PHACTR2: variants seen among roughly 807,000 people sequenced by gnomAD.
PHACTR2 encodes the protein phosphatase and actin regulator 2, also known as chromosome 6 open reading frame 56.
In PHACTR2, 30 loss-of-function variants were observed where a neutral mutation model predicts 76.0. The ratio of observed to expected loss-of-function variants is 0.39; its 90% CI spans 0.30 to 0.54. The LOEUF is 0.54. Ranked by LOEUF, PHACTR2 falls within the 20% of genes least tolerant of loss-of-function variation. The pLI is 0.61. For synonymous variants in PHACTR2, 292 were observed against 292.5 expected (o/e 1.00, Z 0.02); for missense variants, 696 against 781.1 (o/e 0.89, Z 1.30).
chr6:143,683,395 G>A lies in PHACTR2; in HGVS notation c.46+5186G>A, dbSNP rs533127115. 1.3e-5 allele frequency among the ~76,000 whole-genome samples: 2 copies of A among 152,196 alleles called. No homozygotes were observed. Among genetic ancestry groups the A allele is most frequent in the East Asian group, 3.9e-4 (2 of 5,180 alleles). On this transcript the variant is annotated intron_variant, in intron 1 of 12. Coordinates refer to ENST00000440869, the MANE Select transcript of PHACTR2 (RefSeq NM_001100164.2). The surrounding 1 kb of genome is among the most constrained non-coding windows in gnomAD (Gnocchi z 4.1). ...AGAATTACATTACTCTGGCTCTATT[G>A]TCTGAAGGGTGGTATCTGAATCTAG...
At position 143,625,746 on chromosome 6, in the gene PHACTR2, T is replaced by C. The variant is rs988949738; in HGVS notation, c.13+17424T>C. ...GGGTCAGGCACTCTTCCGGGTGCAG[T>C]GAATGGGGCAGTGATGAGACACATG... On this transcript the variant is annotated intron_variant, in intron 1 of 11. Coordinates refer to the PHACTR2 transcript ENST00000305766. This position sits in a 1 kb window ranked among gnomAD's most constrained non-coding sequence, Gnocchi z 4.3. Among the ~76,000 whole-genome samples the C allele has an allele frequency of 2.6e-5, 4 of 152,192 alleles. No individual in the cohort carries two copies. Among genetic ancestry groups the C allele is most frequent in the Non-Finnish European group, 5.9e-5 (4 of 68,030 alleles).
chr6:143,613,283 G>T (rs1384762084), intron 1 of PHACTR2, among the ~76,000 whole-genome samples: 1 of 152,196 alleles, frequency 6.6e-6, no homozygotes, highest in African/African-American at 2.4e-5. Flanking sequence ...CCCATGTAAA[G>T]ATATTTTTCT....
At chr6:143,628,925 A>G (rs1475385945) in intron 1 of PHACTR2, among the ~76,000 whole-genome samples, 3 of 3,034 alleles carry the variant, frequency 9.9e-4, no homozygotes, top group Non-Finnish European at 2.5e-3. Flanking sequence ...AATGCAGGAG[A>G]TATATATATA....
At position 143,812,245 on chromosome 6, in the gene PHACTR2, G is replaced by A. The variant is rs536696278; in HGVS notation, c.1922+5112G>A. On this transcript the variant is annotated intron_variant, in intron 12 of 12. Transcript: ENST00000440869. ...AAGCTGGTGGCCAAGGGCAGGCATG[G>A]GAGGGAGACTTCTCACAACTCACCC... Among the ~76,000 whole-genome samples, 7 of 152,208 alleles carry A rather than the reference G, an allele frequency of 4.6e-5. No homozygotes were observed. The South Asian group carries it at 1.5e-3, about 32-fold the overall frequency.
At position 143,730,362 on chromosome 6, in the gene PHACTR2, G is replaced by A. The variant is rs1166276733; in HGVS notation, c.214+18179G>A. Among the ~76,000 whole-genome samples, 1 of 151,964 alleles carries A rather than the reference G, an allele frequency of 6.6e-6. No individual in the cohort carries two copies. The highest frequency in any genetic ancestry group is 6.6e-5 in the Admixed American group (1 of 15,262). On this transcript the variant is annotated intron_variant, in intron 2 of 12. Coordinates refer to ENST00000440869, the MANE Select transcript of PHACTR2 (RefSeq NM_001100164.2). This position sits in a 1 kb window ranked among gnomAD's most constrained non-coding sequence, Gnocchi z 4.8. ...CTTTTCCATTTTTTTATTAGCTTTT[G>A]AAGTTTTTAGAAAACAGTTAATAAG...
rs1371754395 is a variant in PHACTR2, at chr6:143,658,759, C to T, written c.13+50437C>T. Among the ~76,000 whole-genome samples, 1 of 152,178 alleles carries T rather than the reference C, an allele frequency of 6.6e-6. No homozygotes were observed. The highest frequency in any genetic ancestry group is 1.5e-5 in the Non-Finnish European group (1 of 68,030). Reference sequence around the variant, plus strand: ...CAAAAAATGGGGTTGGGCACAGTGACTCTGCCTGTAATCTCAGCACTTCGG... The same window carrying T: ...CAAAAAATGGGGTTGGGCACAGTGATTCTGCCTGTAATCTCAGCACTTCGG... On this transcript the variant is annotated intron_variant, in intron 1 of 11. Transcript: ENST00000305766. The surrounding 1 kb of genome is among the most constrained non-coding windows in gnomAD (Gnocchi z 4.1).
chr6:143,566,211 G>A (rs12525607), intron 1 of PHACTR2, among the ~76,000 whole-genome samples: 93,221 of 151,740 alleles, frequency 0.61, 28,943 homozygotes, highest in Middle Eastern at 0.72. Flanking sequence ...CAATCCTCCT[G>A]CCTCAGCCTC....
At chr6:143,588,797 C>A (rs1582686613) in intron 1 of PHACTR2, among the ~76,000 whole-genome samples, 1 of 152,084 alleles carries the variant, frequency 6.6e-6, no homozygotes, top group Admixed American at 6.5e-5. Flanking sequence ...TAAAAGGTAG[C>A]AAGAAGATAT....
intron 1 of PHACTR2, among the ~76,000 whole-genome samples, chr6:143,629,263 G>A (rs1460073911): frequency 2.0e-5 from 3 of 151,900 alleles, no homozygotes; most frequent in South Asian, 4.2e-4. Flanking sequence ...ATCTAACCAC[G>A]TCTGCTGAGG....
At position 143,822,184 on chromosome 6, in the gene PHACTR2, G is replaced by T. The variant is rs1224169756; in HGVS notation, c.1923-1490G>T. On this transcript the variant is annotated intron_variant, in intron 12 of 12. Transcript: ENST00000440869. The surrounding 1 kb of genome is among the most constrained non-coding windows in gnomAD (Gnocchi z 5.5). Reference sequence around the variant, plus strand: ...CTCCAGGAACTTTAAATTTTATTTTGTTGGCTTTCTTATTTTAATTTTGTT... The same window carrying T: ...CTCCAGGAACTTTAAATTTTATTTTTTTGGCTTTCTTATTTTAATTTTGTT... Among the ~76,000 whole-genome samples, 1 of 152,124 alleles carries T rather than the reference G, an allele frequency of 6.6e-6. No homozygotes were observed. The highest frequency in any genetic ancestry group is 1.5e-5 in the Non-Finnish European group (1 of 68,024).
intron 1 of PHACTR2, among the ~76,000 whole-genome samples, chr6:143,564,221 A>G (rs1413622159): frequency 8.5e-6 from 1 of 118,234 alleles, no homozygotes; most frequent in African/African-American, 3.2e-5. Context: ...ATATATATAT[A>G]TATATATATA....
Position 143,750,822 on chromosome 6 carries a change from A to G in PHACTR2, c.295+1757A>G, listed in dbSNP as rs374402030. On this transcript the variant is annotated intron_variant, in intron 3 of 12. Transcript: ENST00000440869. This position sits in a 1 kb window ranked among gnomAD's most constrained non-coding sequence, Gnocchi z 4.6. ...TTTTAAAACATAAAAGAACAAAACA[A>G]TTTTTTAACCTAAGCATAATATAAT... Among the ~76,000 whole-genome samples the G allele has an allele frequency of 2.0e-5, 3 of 152,140 alleles. No homozygotes were observed. Among genetic ancestry groups the G allele is most frequent in the Non-Finnish European group, 4.4e-5 (3 of 68,014 alleles).
chr6:143,607,941 C>A (rs1308375527), upstream of PHACTR2, among the ~76,000 whole-genome samples: 5 of 152,186 alleles, frequency 3.3e-5, no homozygotes, highest in South Asian at 1.0e-3. Context: ...TTTGCCCTGG[C>A]ATCTTTTGGA....
At chr6:143,609,205 A>G (rs1024814009) in intron 1 of PHACTR2, among the ~76,000 whole-genome samples, 16 of 152,216 alleles carry the variant, frequency 1.1e-4, no homozygotes, top group African/African-American at 3.4e-4. Context: ...TCTACACTAC[A>G]AGACCACCCA....
rs201867916 is a variant in PHACTR2 at position 143,601,395 on chromosome 6, G to C, written c.217+64188G>C. On this transcript the variant is annotated intron_variant, in intron 1 of 11. Coordinates refer to the PHACTR2 transcript ENST00000367584. Reference sequence around the variant, plus strand: ...AGAGCTTCCCCAACATGTTTTTGCAGGGCCAGGCCAATGTTGAGCCTCCTT... The same window carrying C: ...AGAGCTTCCCCAACATGTTTTTGCACGGCCAGGCCAATGTTGAGCCTCCTT... Among the ~76,000 whole-genome samples the C allele has an allele frequency of 1.2e-4, 18 of 152,298 alleles. No individual in the cohort carries two copies. The East Asian group carries it at 3.1e-3, about 26-fold the overall frequency.
At position 143,608,969 on chromosome 6, in the gene PHACTR2, C is replaced by A. The variant is rs1209951432; in HGVS notation, c.13+647C>A. Among the ~76,000 whole-genome samples, 1 of 152,002 alleles carries A rather than the reference C, an allele frequency of 6.6e-6. No homozygotes were observed. The highest frequency in any genetic ancestry group is 2.1e-4 in the South Asian group (1 of 4,824). ...TAAAATTATCAGGTGGAACTTTTTT[C>A]TTTTTACTTTGCTGTATTGAACTTT... On this transcript the variant is annotated intron_variant, in intron 1 of 11. Coordinates refer to the PHACTR2 transcript ENST00000305766. This position sits in a 1 kb window ranked among gnomAD's most constrained non-coding sequence, Gnocchi z 4.6.
intron 1 of PHACTR2, among the ~76,000 whole-genome samples, chr6:143,601,718 C>A (rs1388532924): frequency 3.3e-5 from 5 of 152,128 alleles, no homozygotes; most frequent in Non-Finnish European, 7.4e-5. Flanking sequence ...CTCCTGGGTC[C>A]CAGATGGTCC....
rs780280940 is a variant in PHACTR2 at position 143,712,020 on chromosome 6, C to T, written c.51C>T (p.Asp17=). The T allele has an allele frequency of 2.6e-5, 42 of 1,592,508 alleles. No individual in the cohort carries two copies. The highest frequency in any genetic ancestry group is 2.4e-4 in the South Asian group (21 of 87,244). Residue 17 remains aspartate, a synonymous_variant, in exon 2 of 13, where the codon GAC becomes GAT. Transcript: ENST00000440869. ...STLSPQPGSV[D]GLDKASIANS... is the part of the protein sequence containing the mutation. ...TCTATATCTTTCTTTATACAGTTGA[C>T]GGACTGGACAAAGCTTCTATAGCAA...
chr6:143,662,690 A>T lies in PHACTR2; in HGVS notation c.14-49326A>T, dbSNP rs1582747090. On this transcript the variant is annotated intron_variant, in intron 1 of 11. Coordinates refer to the PHACTR2 transcript ENST00000305766. This position sits in a 1 kb window ranked among gnomAD's most constrained non-coding sequence, Gnocchi z 4.7. Reference sequence around the variant, plus strand: ...TGACTACCAGGCAGTTTTGTTTTTCATCTTGAATTGTGAATTGTCTTCACC... The same window carrying T: ...TGACTACCAGGCAGTTTTGTTTTTCTTCTTGAATTGTGAATTGTCTTCACC... Among the ~76,000 whole-genome samples the T allele has an allele frequency of 6.6e-6, 1 of 152,180 alleles. No homozygotes were observed. The highest frequency in any genetic ancestry group is 2.4e-5 in the African/African-American group (1 of 41,436).
Sources: allele counts gnomAD v4.1 joint callset (sites outside exome capture counted in the v4.1 genomes callset), GRCh38; gene constraint gnomAD v4.1.1; non-coding constraint Gnocchi (gnomAD v3.1); transcripts MANE v1.5; gene names NCBI Gene and HGNC (gene_info 2026-07-23, HGNC 2026-07-21).